The following NALF1 variants were observed in gnomAD, a reference collection of about 807,000 sequenced individuals.
NALF1 encodes NALCN channel auxiliary factor 1.
In NALF1, 3 loss-of-function variants were observed where a neutral mutation model predicts 48.4. The observed-to-expected ratio is 0.06, with a 90% CI of 0.03 to 0.16. The LOEUF (loss-of-function observed/expected upper bound fraction) is 0.16, where lower values mean the gene tolerates loss of function less well. NALF1 is among the 10% of genes least tolerant of loss of function. The pLI, the probability that NALF1 is intolerant of heterozygous loss-of-function variation, is 1.00. For synonymous variants in NALF1, 262 were observed against 245.7 expected (o/e 1.07, Z -0.62); for missense variants, 526 against 571.5 (o/e 0.92, Z 0.81).
At chr13:107,712,796 T>G (rs1326534786) in intron 1 of NALF1, among the ~76,000 whole-genome samples, 1 of 152,202 alleles carries the variant, frequency 6.6e-6, no homozygotes, top group Non-Finnish European at 1.5e-5. Context: ...CTACAAAAGC[T>G]TTTCAAATTG....
At chr13:107,205,965 T>G (rs1011796753) in intron 2 of NALF1, among the ~76,000 whole-genome samples, 1 of 151,976 alleles carries the variant, frequency 6.6e-6, no homozygotes, top group Non-Finnish European at 1.5e-5. Context: ...CGATGACGGG[T>G]TGACATCGTA....
chr13:107,349,894 GA>G (rs1204622671), intron 1 of NALF1, among the ~76,000 whole-genome samples: 3 of 152,058 alleles, frequency 2.0e-5, no homozygotes, highest in African/African-American at 7.2e-5. Flanking sequence ...TTGGCACCAG[GA>G]ACCGACTTCA....
chr13:107,772,983 G>GT lies in NALF1; in HGVS notation c.915+92698dup, dbSNP rs376120448. ...ATTATCTATCACATTTGAAAAGAGG[G>GT]TTTTTTTTACATTTCATATTTGTTT... On this transcript the variant is annotated intron_variant, in intron 1 of 2. Coordinates refer to ENST00000375915, the MANE Select transcript of NALF1 (RefSeq NM_001080396.3). Among the ~76,000 whole-genome samples, 23 of 151,892 alleles carry GT rather than the reference G, an allele frequency of 1.5e-4. 1 individual carries two copies. Among genetic ancestry groups the GT allele is most frequent in the East Asian group, 7.7e-4 (4 of 5,178 alleles).
In NALF1 at chr13:107,362,239, A is replaced by ATG. The variant is rs1271903353; in HGVS notation, c.916-151486_916-151485dup. Among the ~76,000 whole-genome samples the ATG allele has an allele frequency of 6.6e-6, 1 of 152,188 alleles. No homozygotes were observed. Among genetic ancestry groups the ATG allele is most frequent in the African/African-American group, 2.4e-5 (1 of 41,444 alleles). On this transcript the variant is annotated intron_variant, in intron 1 of 2. Transcript: ENST00000375915. The surrounding 1 kb of genome is among the most constrained non-coding windows in gnomAD (Gnocchi z 4.6). ...GTCAGGTGACAGCTTTATGATATTC[A>ATG]TGTAAACAGGAAGGAATAGTTGTAT... is the stretch of plus-strand genomic sequence containing the variant.
In NALF1 at chr13:107,396,224, T is replaced by C. The variant is rs1329628512; in HGVS notation, c.916-185469A>G. 1.2e-4 allele frequency among the ~76,000 whole-genome samples: 18 copies of C among 152,148 alleles called. No individual in the cohort carries two copies. The East Asian group carries it at 3.5e-3, about 29-fold the overall frequency. ...TCAGATTAGGTGACTTATGTCCTCA[T>C]CTAACCTCCTCACAGGCTGTATCTC... is the stretch of plus-strand genomic sequence containing the variant. On this transcript the variant is annotated intron_variant, in intron 1 of 2. Transcript: ENST00000375915.
chr13:107,532,237 A>G (rs1876662288), intron 1 of NALF1, among the ~76,000 whole-genome samples: 1 of 150,192 alleles, frequency 6.7e-6, no homozygotes, highest in African/African-American at 2.4e-5. Flanking sequence ...TTTAAAGTAA[A>G]ACAGCATCTT....
intron 1 of NALF1, among the ~76,000 whole-genome samples, chr13:107,292,117 TCC>T (rs1476948664): frequency 6.6e-6 from 1 of 152,216 alleles, no homozygotes; most frequent in Non-Finnish European, 1.5e-5. Context: ...AGCCCATTGC[TCC>T]TAGGCTACAA....
At chr13:107,517,524 C>T (rs751718992) in intron 1 of NALF1, among the ~76,000 whole-genome samples, 4 of 151,898 alleles carry the variant, frequency 2.6e-5, no homozygotes, top group South Asian at 2.1e-4. Flanking sequence ...CCCAGCTACT[C>T]GGGAGGTTGA....
chr13:107,529,366 GCA>G (rs1226394753), intron 1 of NALF1, among the ~76,000 whole-genome samples: 1 of 152,164 alleles, frequency 6.6e-6, no homozygotes, highest in Admixed American at 6.5e-5. Flanking sequence ...AAGATGAGTA[GCA>G]ATTGGGTAGG....
At chr13:107,494,510 C>A (rs1247057607) in intron 1 of NALF1, among the ~76,000 whole-genome samples, 1 of 152,192 alleles carries the variant, frequency 6.6e-6, no homozygotes. Flanking sequence ...GTTGCCTGTG[C>A]TGTTTGTCCC....
intron 1 of NALF1, among the ~76,000 whole-genome samples, chr13:107,311,567 T>C (rs976647983): frequency 2.0e-5 from 3 of 150,398 alleles, no homozygotes; most frequent in Middle Eastern, 7.0e-3. Context: ...ATAAATGATA[T>C]AATATAATAA....
intron 1 of NALF1, among the ~76,000 whole-genome samples, chr13:107,613,639 A>C (rs1344818717): frequency 6.6e-6 from 1 of 152,222 alleles, no homozygotes; most frequent in African/African-American, 2.4e-5. Context: ...AGAAAAACAA[A>C]TCACTACTTT....
chr13:107,839,442 G>A (rs559831567), intron 1 of NALF1, among the ~76,000 whole-genome samples: 2 of 150,476 alleles, frequency 1.3e-5, no homozygotes, highest in African/African-American at 4.9e-5. Context: ...CTTATCATGA[G>A]AGGATCTCCT....
At chr13:107,472,598 A>G (rs1195185451) in intron 1 of NALF1, among the ~76,000 whole-genome samples, 8 of 152,122 alleles carry the variant, frequency 5.3e-5, no homozygotes, top group Admixed American at 3.9e-4. Context: ...AGACTGGTTA[A>G]GTGTTCTGGC....
intron 1 of NALF1, among the ~76,000 whole-genome samples, chr13:107,610,890 T>C (rs1461318867): frequency 6.6e-6 from 1 of 152,128 alleles, no homozygotes; most frequent in African/African-American, 2.4e-5. Flanking sequence ...CTGACACTAG[T>C]GTTGAGAATG....
chr13:107,710,750 T>C (rs924527755), intron 1 of NALF1, among the ~76,000 whole-genome samples: 1 of 140,928 alleles, frequency 7.1e-6, no homozygotes, highest in Non-Finnish European at 1.5e-5. Flanking sequence ...ACATATCATA[T>C]ATATACATAT....
chr13:107,789,178 A>T (rs1422582584), intron 1 of NALF1: 2 of 152,236 alleles, frequency 1.3e-5, no homozygotes, highest in African/African-American at 4.8e-5. Flanking sequence ...TTGTGTGTGT[A>T]TACAAGTAAA....
intron 1 of NALF1, among the ~76,000 whole-genome samples, chr13:107,437,670 G>A (rs960131846): frequency 5.3e-5 from 8 of 152,194 alleles, no homozygotes; most frequent in Admixed American, 2.6e-4. Flanking sequence ...CAGCCAAAGC[G>A]AACTCAATGG....
At chr13:107,386,981 T>C (rs781508269) in intron 1 of NALF1, among the ~76,000 whole-genome samples, 22 of 152,114 alleles carry the variant, frequency 1.4e-4, no homozygotes, top group Non-Finnish European at 2.9e-4. Flanking sequence ...TCTGGAAAGA[T>C]TGCAGTTCAT....
Sources: gnomAD v4.1 joint callset for allele counts (sites outside exome capture counted in the v4.1 genomes callset) on GRCh38, gnomAD v4.1.1 for gene constraint, Gnocchi (gnomAD v3.1) non-coding constraint, MANE v1.5 for transcripts, NCBI Gene and HGNC (gene_info 2026-07-23, HGNC 2026-07-21) for gene names.